SFSWAP: variants seen among roughly 807,000 people sequenced by gnomAD.
SFSWAP encodes splicing factor SWAP.
In SFSWAP, 17 loss-of-function variants were observed where a neutral mutation model predicts 100.7. The ratio of observed to expected loss-of-function variants is 0.17; its 90% CI spans 0.12 to 0.25. SFSWAP has a LOEUF of 0.25. Ranked by LOEUF, SFSWAP falls within the 10% of genes least tolerant of loss-of-function variation. SFSWAP has a pLI of 1.00. For synonymous variants in SFSWAP, 504 were observed against 510.1 expected (o/e 0.99, Z 0.16); for missense variants, 1,005 against 1,262.6 (o/e 0.80, Z 3.09).
At position 131,733,588 on chromosome 12, in the gene SFSWAP, C is replaced by A. The variant is rs1235680088; in HGVS notation, c.1081+5160C>A. Among the ~76,000 whole-genome samples, 2 of 151,976 alleles carry A rather than the reference C, an allele frequency of 1.3e-5. No individual in the cohort carries two copies. Among genetic ancestry groups the A allele is most frequent in the Non-Finnish European group, 1.5e-5 (1 of 67,962 alleles). On this transcript the variant is annotated intron_variant, in intron 7 of 17. Coordinates refer to ENST00000261674, the MANE Select transcript of SFSWAP (RefSeq NM_004592.4). This position sits in a 1 kb window ranked among gnomAD's most constrained non-coding sequence, Gnocchi z 5.1. ...GCTCCATGTTCTCGGGGGATTTCTT[C>A]ACTGTGTTTCTTGGGGGCTCACCGA... is the stretch of plus-strand genomic sequence containing the variant.
chr12:131,799,484 C>G lies in SFSWAP; in HGVS notation c.2852C>G (p.Ser951Cys), dbSNP rs1885917847. Residue 951 changes from serine to cysteine, a missense_variant, in exon 18 of 18, where the codon TCC becomes TGC. Ser to Cys is a moderately radical substitution (Grantham distance 112). Transcript: ENST00000261674. ...AASKNLQTSA[S>C] ...TCCAAAAACCTGCAAACCAGCGCTT[C>G]CTGAGACGGGGCCAGCGGAGGCAGA... The G allele has an allele frequency of 6.2e-7, 1 of 1,613,880 alleles. No individual in the cohort carries two copies. Among genetic ancestry groups the G allele is most frequent in the Non-Finnish European group, 8.5e-7 (1 of 1,179,856 alleles).
intron 15 of SFSWAP, chr12:131,795,994 AGAGG>A (rs1885621826): frequency 1.0e-4 from 2 of 20,024 alleles, no homozygotes; most frequent in African/African-American, 2.4e-4. Flanking sequence ...AGGGGAGGGG[AGAGG>A]GGGAGGGGAG....
chr12:131,776,354 AG>A (rs1884025945), intron 13 of SFSWAP, among the ~76,000 whole-genome samples: 2 of 152,182 alleles, frequency 1.3e-5, no homozygotes, highest in African/African-American at 4.8e-5. Flanking sequence ...GAGGGGCATT[AG>A]AGAGCACAGT....
In SFSWAP at chr12:131,778,263, A is replaced by G. The variant is rs1884183323; in HGVS notation, c.2341A>G (p.Arg781Gly). 1.2e-6 allele frequency: 2 copies of G among 1,614,238 alleles called. No individual in the cohort carries two copies. The highest frequency in any genetic ancestry group is 1.1e-5 in the South Asian group (1 of 91,084). The change falls in exon 14 of 18, where the codon AGG becomes GGG. Residue 781 changes from arginine to glycine, a missense_variant. Physicochemically the swap from Arg to Gly is moderately radical, Grantham distance 125 (BLOSUM62 -2). Transcript: ENST00000261674. The surrounding 1 kb of genome is among the most constrained non-coding windows in gnomAD (Gnocchi z 4.2). ...CAAGTACCATTCGTCATCCAAGTCC[A>G]GGTCTAGATCACACTCAAAAGCAAA... ...SPKYHSSSKSRSRSHSKAKHS... is the reference protein window; with the variant it reads ...SPKYHSSSKSGSRSHSKAKHS...
chr12:131,761,444 T>C (rs1236449932), intron 11 of SFSWAP, among the ~76,000 whole-genome samples: 1 of 152,156 alleles, frequency 6.6e-6, no homozygotes, highest in East Asian at 1.9e-4. Context: ...GTGAGTGGTG[T>C]GCAGGAAAGA....
intron 11 of SFSWAP, among the ~76,000 whole-genome samples, chr12:131,762,821 G>A (rs544086186): frequency 6.6e-6 from 1 of 152,120 alleles, no homozygotes; most frequent in South Asian, 2.1e-4. Flanking sequence ...TGCTGGTCTT[G>A]AACTCCTGAT....
In SFSWAP at chr12:131,786,480, C is replaced by T; in HGVS notation, c.2426C>T (p.Pro809Leu). 6.3e-7 allele frequency: 1 copy of T among 1,587,534 alleles called. No individual in the cohort carries two copies. The highest frequency in any genetic ancestry group is 8.6e-7 in the Non-Finnish European group (1 of 1,167,932). ...CTGTCCAGGTCCCGCTCCCGGTCCCCTCGGAGGAGAGCCCACTCCCCTGAG... is the reference window on the plus strand; with the variant it reads ...CTGTCCAGGTCCCGCTCCCGGTCCCTTCGGAGGAGAGCCCACTCCCCTGAG... ...VRRSRSRSRS[P>L]RRRAHSPERR... Residue 809 changes from proline to leucine, a missense_variant, in exon 15 of 18, where the codon CCT (proline) becomes CTT (leucine). Physicochemically the swap from Pro to Leu is moderately conservative, Grantham distance 98. This residue lies in a region of SFSWAP where 295 missense variants were observed against 347.9 expected (regional missense o/e 0.85). Transcript: ENST00000261674.
chr12:131,782,963 C>G (rs1359437482), intron 14 of SFSWAP, among the ~76,000 whole-genome samples: 2 of 152,086 alleles, frequency 1.3e-5, no homozygotes, highest in African/African-American at 4.8e-5. Context: ...GGTGGATCAC[C>G]TGAGGTCAGG....
intron 15 of SFSWAP, among the ~76,000 whole-genome samples, chr12:131,787,348 G>T (rs1389260080): frequency 6.6e-6 from 1 of 152,242 alleles, no homozygotes; most frequent in Non-Finnish European, 1.5e-5. Flanking sequence ...GGTGCCGCCA[G>T]TGAGCACTAC....
intron 16 of SFSWAP, 41 bp downstream of exon 16, chr12:131,797,401 A>C: frequency 6.5e-7 from 1 of 1,547,830 alleles, no homozygotes; most frequent in Non-Finnish European, 8.8e-7. Context: ...GGGAAAGGCA[A>C]GGGGCGGCCA....
At chr12:131,793,720 A>G (rs982645628) in intron 15 of SFSWAP, among the ~76,000 whole-genome samples, 1 of 152,148 alleles carries the variant, frequency 6.6e-6, no homozygotes, top group Admixed American at 6.5e-5. Flanking sequence ...TGTCAGTACC[A>G]AAAAGACAAA....
At chr12:131,712,144 G>A (rs138140232) in intron 1 of SFSWAP, 9 of 152,488 alleles carry the variant, frequency 5.9e-5, no homozygotes, top group South Asian at 2.1e-4. Flanking sequence ...GTGTTCTTAG[G>A]GCTGGTTTCA....
chr12:131,725,529 G>A lies in SFSWAP; in HGVS notation c.731G>A (p.Arg244His), dbSNP rs1007333310. ...QARNSQFDFLRFDHYLNPYYK... is the reference protein window; with the variant it reads ...QARNSQFDFLHFDHYLNPYYK... Reference sequence around the variant, plus strand: ...CGGAACTCCCAGTTTGACTTTCTGCGCTTCGACCACTACCTCAACCCCTAC... The same window carrying A: ...CGGAACTCCCAGTTTGACTTTCTGCACTTCGACCACTACCTCAACCCCTAC... Residue 244 changes from arginine (R) to histidine (H), a missense_variant, in exon 5 of 18, where the codon CGC (arginine) becomes CAC (histidine). By Grantham distance (29) the Arg-to-His change is conservative. Coordinates refer to ENST00000261674, the MANE Select transcript of SFSWAP (RefSeq NM_004592.4). The surrounding 1 kb of genome is among the most constrained non-coding windows in gnomAD (Gnocchi z 4.3). 7 of 1,614,110 alleles carry A rather than the reference G, an allele frequency of 4.3e-6. No individual in the cohort carries two copies. Among genetic ancestry groups the A allele is most frequent in the African/African-American group, 2.7e-5 (2 of 75,022 alleles).
At position 131,786,456 on chromosome 12, in the gene SFSWAP, T is replaced by C; in HGVS notation, c.2409-7T>C. ...CAGAGCTGAACACTGCCTCCTCCCC[T>C]GTCCAGGTCCCGCTCCCGGTCCCCT... On this transcript the variant is annotated splice_region_variant and splice_polypyrimidine_tract_variant and intron_variant, in intron 14 of 17. Transcript: ENST00000261674. The C allele has an allele frequency of 6.3e-7, 1 of 1,585,118 alleles. No homozygotes were observed. The highest frequency in any genetic ancestry group is 8.6e-7 in the Non-Finnish European group (1 of 1,166,532).
intron 13 of SFSWAP, among the ~76,000 whole-genome samples, chr12:131,776,059 G>A (rs528055941): frequency 2.0e-5 from 3 of 152,200 alleles, no homozygotes; most frequent in East Asian, 3.9e-4. Context: ...CTGAGATCAC[G>A]CCACTGCACT....
intron 15 of SFSWAP, among the ~76,000 whole-genome samples, chr12:131,790,544 A>T (rs1357529444): frequency 6.6e-6 from 1 of 152,228 alleles, no homozygotes; most frequent in Non-Finnish European, 1.5e-5. Context: ...GGGCACCTAC[A>T]GCCGCAGCTA....
intron 4 of SFSWAP, among the ~76,000 whole-genome samples, chr12:131,724,679 A>G (rs1262650389): frequency 2.0e-5 from 3 of 152,254 alleles, no homozygotes. Flanking sequence ...AGGAAATGCT[A>G]AGAGCATGAG....
rs577371875 is a variant in SFSWAP at position 131,798,732 on chromosome 12, A to G, written c.2718-305A>G. Among the ~76,000 whole-genome samples, 9 of 152,186 alleles carry G rather than the reference A, an allele frequency of 5.9e-5. No individual in the cohort carries two copies. The East Asian group carries it at 1.6e-3, about 26-fold the overall frequency. On this transcript the variant is annotated intron_variant, in intron 16 of 17. Transcript: ENST00000261674. ...TGGTGAAACCCCGTCCCTACTGAAA[A>G]TACAAAAATTAGCCGGGCATGGTGG... is the stretch of plus-strand genomic sequence containing the variant.
chr12:131,765,764 C>G (rs953737084), intron 12 of SFSWAP, among the ~76,000 whole-genome samples: 20 of 152,148 alleles, frequency 1.3e-4, no homozygotes, highest in Non-Finnish European at 1.5e-4. Flanking sequence ...CTGAATCTGT[C>G]CTTCCTGTGT....
Sources: allele counts gnomAD v4.1 joint callset (sites outside exome capture counted in the v4.1 genomes callset), GRCh38; gene constraint gnomAD v4.1.1; regional missense constraint gnomAD v4.1.1; non-coding constraint Gnocchi (gnomAD v3.1); transcripts MANE v1.5; gene names NCBI Gene and HGNC (gene_info 2026-07-23, HGNC 2026-07-21).